The following CEP89 variants were observed in gnomAD, a reference collection of about 807,000 sequenced individuals.
CEP89 encodes the protein centrosomal protein of 89 kDa.
CEP89 carries 95 observed loss-of-function variants against 97.6 expected under a neutral mutation model. The ratio of observed to expected loss-of-function variants is 0.97; its 90% CI spans 0.82 to 1.15. The LOEUF is 1.15. Ranked by LOEUF, CEP89 falls within the 50% of genes most tolerant of loss-of-function variation. CEP89 has a pLI of 0.00. For synonymous variants in CEP89, 354 were observed against 349.1 expected, an observed-to-expected ratio of 1.01 and a Z score of -0.16; for missense variants, 869 against 947.7, an observed-to-expected ratio of 0.92 and a Z score of 1.09.
chr19:32,919,647 T>A (rs1425283939), intron 12 of CEP89, among the ~76,000 whole-genome samples: 1 of 152,186 alleles, frequency 6.6e-6, no homozygotes, highest in Non-Finnish European at 1.5e-5. Context: ...GGCAGCTCCA[T>A]GATGGTCTGT....
At chr19:32,969,578 G>A (rs1350720226) in intron 1 of CEP89, 1 of 152,480 alleles carries the variant, frequency 6.6e-6, no homozygotes, top group Non-Finnish European at 1.5e-5. Flanking sequence ...GAGCCTGCAG[G>A]GATGGAGGGT....
chr19:32,916,806 T>C (rs1970136110), intron 13 of CEP89, among the ~76,000 whole-genome samples: 1 of 151,176 alleles, frequency 6.6e-6, no homozygotes. Context: ...AGGTCAGGAG[T>C]TCAAGACCAG....
chr19:32,919,190 G>T (rs1355330771), intron 12 of CEP89, among the ~76,000 whole-genome samples: 2 of 151,922 alleles, frequency 1.3e-5, no homozygotes, highest in South Asian at 2.1e-4. Flanking sequence ...CAGCCGAAAT[G>T]GTTTCTTAAA....
intron 2 of CEP89, among the ~76,000 whole-genome samples, chr19:32,962,218 C>T (rs1021487586): frequency 5.9e-5 from 9 of 152,134 alleles, no homozygotes; most frequent in African/African-American, 2.2e-4. Flanking sequence ...TGAGCTCTCA[C>T]AAGAGCAGAT....
chr19:32,961,085 T>C (rs527690438), intron 2 of CEP89, among the ~76,000 whole-genome samples: 2 of 152,206 alleles, frequency 1.3e-5, no homozygotes, highest in East Asian at 1.9e-4. Context: ...GGAAGAACCA[T>C]TCACCAGGAT....
chr19:32,913,273 T>A, intron 14 of CEP89, among the ~76,000 whole-genome samples: 1 of 142,566 alleles, frequency 7.0e-6, no homozygotes, highest in Non-Finnish European at 1.5e-5. Context: ...CTTTTTGACA[T>A]GAGAAAATAG....
At chr19:32,951,126 GC>G (rs1970903161) in intron 4 of CEP89, among the ~76,000 whole-genome samples, 2 of 151,978 alleles carry the variant, frequency 1.3e-5, no homozygotes, top group South Asian at 4.1e-4. Flanking sequence ...CACTTCTTGT[GC>G]ATATTTTATA....
chr19:32,924,591 T>C (rs1346550251), intron 11 of CEP89, among the ~76,000 whole-genome samples: 1 of 152,090 alleles, frequency 6.6e-6, no homozygotes, highest in Non-Finnish European at 1.5e-5. Context: ...TGTCAGGTGT[T>C]TATGCCTACA....
chr19:32,937,790 T>G (rs1200020746), intron 6 of CEP89, 117 bp from the exon 7 acceptor site: 3 of 747,684 alleles, frequency 4.0e-6, no homozygotes, highest in Non-Finnish European at 4.7e-6. Flanking sequence ...TTCCTTCATT[T>G]TGACTCTTGT....
rs1233802387 is a variant in CEP89, at chr19:32,923,422, A to C, written c.1268+17T>G. On this transcript the variant is annotated intron_variant, in intron 12 of 18. Transcript: ENST00000305768. ...TGTTTTAAATTAGCAAAAGAGCAGAAACACAATGCCACTTGCCATTCCTCA... is the reference window on the plus strand; with the variant it reads ...TGTTTTAAATTAGCAAAAGAGCAGACACACAATGCCACTTGCCATTCCTCA... The C allele has an allele frequency of 7.5e-7, 1 of 1,338,632 alleles. No homozygotes were observed. Among genetic ancestry groups the C allele is most frequent in the East Asian group, 2.4e-5 (1 of 42,320 alleles). 82.9% of individuals were successfully genotyped at this position (1,338,632 alleles called of 1,614,324 possible).
At chr19:32,927,131 C>CCCACCTACCCAT (rs1555791999) in intron 9 of CEP89, 147 bp from the exon 10 acceptor site, 72 of 598,406 alleles carry the variant, frequency 1.2e-4, no homozygotes, top group African/African-American at 3.0e-4. Context: ...TACCCACCTA[C>CCCACCTACCCAT]CCATCCATCC....
Position 32,879,018 on chromosome 19 carries a change from G to A in CEP89, c.*144C>T, listed in dbSNP as rs939186806. On this transcript the variant is annotated 3_prime_UTR_variant, in exon 19 of 19. Transcript: ENST00000305768. ...AAATGTTATCAATGGATTAAACTAT[G>A]AGACCATTTATTTCTTCCCTGCCCT... 16 of 574,188 alleles carry A rather than the reference G, an allele frequency of 2.8e-5. No homozygotes were observed. The highest frequency in any genetic ancestry group is 2.1e-4 in the African/African-American group (11 of 53,440). 35.6% of individuals were successfully genotyped at this position (574,188 alleles called of 1,614,324 possible).
At chr19:32,898,631 C>CAGCTG (rs1969694760) in intron 16 of CEP89, among the ~76,000 whole-genome samples, 1 of 152,236 alleles carries the variant, frequency 6.6e-6, no homozygotes, top group East Asian at 1.9e-4. Context: ...CCTGTAATCC[C>CAGCTG]AGCACTCTGG....
Position 32,902,008 on chromosome 19 carries a change from C to CTGTGTGTG in CEP89, c.1566-597_1566-596insCACACACA, listed in dbSNP as rs1265424963. 3.7e-3 allele frequency among the ~76,000 whole-genome samples: 370 copies of CTGTGTGTG among 99,624 alleles called. 2 individuals are homozygous for CTGTGTGTG. Among genetic ancestry groups the CTGTGTGTG allele is most frequent in the African/African-American group, 0.016 (348 of 21,270 alleles). 65.4% of individuals were successfully genotyped at this position (99,624 alleles called of 152,430 possible). On this transcript the variant is annotated intron_variant, in intron 14 of 18. Transcript: ENST00000305768. ...TCTCTGTCTCTCTGTCTCTCTCTCTCTCTGTGTGTGTGTGTGTGTGTGTGT... is the reference window on the plus strand; with the variant it reads ...TCTCTGTCTCTCTGTCTCTCTCTCTCTGTGTGTGTCTGTGTGTGTGTGTGTGTGTGTGT...
chr19:32,962,596 C>A (rs1971193266), intron 2 of CEP89, among the ~76,000 whole-genome samples: 1 of 151,972 alleles, frequency 6.6e-6, no homozygotes. Context: ...AAAGCATGAT[C>A]CATAAAAGAA....
intron 3 of CEP89, among the ~76,000 whole-genome samples, chr19:32,954,726 G>T (rs953307816): frequency 6.6e-6 from 1 of 151,256 alleles, no homozygotes; most frequent in Admixed American, 6.6e-5. Flanking sequence ...GTATAGTAGT[G>T]CAATCTTGGC....
intron 14 of CEP89, among the ~76,000 whole-genome samples, chr19:32,902,002 C>CTGTGTGTGTGTGTGTGTGTGTGTGTG (rs1471468250): frequency 1.9e-5 from 2 of 104,972 alleles, no homozygotes; most frequent in Non-Finnish European, 3.8e-5. Context: ...CTCTGTCTCT[C>CTGTGTGTGTGTGTGTGTGTGTGTGTG]TCTCTCTCTG....
intron 17 of CEP89, among the ~76,000 whole-genome samples, chr19:32,886,860 C>T (rs8104503): frequency 0.078 from 11,192 of 143,516 alleles, 1,327 homozygotes; most frequent in African/African-American, 0.26. Context: ...TTCAGCCTTT[C>T]TTTTTTTTTT....
intron 3 of CEP89, among the ~76,000 whole-genome samples, chr19:32,957,860 G>A (rs893218254): frequency 2.0e-5 from 3 of 151,942 alleles, no homozygotes; most frequent in Non-Finnish European, 4.4e-5. Context: ...GCCAAGCACG[G>A]TAGCAAGCAT....
Sources: gnomAD v4.1 joint callset for allele counts (sites outside exome capture counted in the v4.1 genomes callset) on GRCh38, gnomAD v4.1.1 for gene constraint, MANE v1.5 for transcripts, NCBI Gene and HGNC (gene_info 2026-07-23, HGNC 2026-07-21) for gene names.